Variants in SCYL2 observed in about 807,000 individuals in gnomAD.
SCYL2 encodes SCY1-like protein 2.
In SCYL2, 36 loss-of-function variants were observed where a neutral mutation model predicts 100.4. The ratio of observed to expected loss-of-function variants is 0.36; its 90% CI spans 0.27 to 0.47. SCYL2 has a LOEUF of 0.47. Among genes scored for constraint, SCYL2 ranks in the 20% least tolerant of loss-of-function variants. The pLI is 1.00. For synonymous variants in SCYL2, 330 were observed against 359.2 expected, an observed-to-expected ratio of 0.92 and a Z score of 0.92; for missense variants, 902 against 1,083.9, an observed-to-expected ratio of 0.83 and a Z score of 2.36.
At chr12:100,295,368 G>GCGAGC (rs1443897228) in intron 3 of SCYL2, among the ~76,000 whole-genome samples, 2 of 152,236 alleles carry the variant, frequency 1.3e-5, no homozygotes, top group Non-Finnish European at 2.9e-5. Flanking sequence ...AGAGGTTGTA[G>GCGAGC]CGAGCCGAGA....
rs1340063675 is a variant in SCYL2, at chr12:100,281,809, G to A, written c.-28-1134G>A. ...AGTTCATGCCACTGCACTCCAGCCT[G>A]GGTGACAGAGCTAGACTCCGTCTCA... On this transcript the variant is annotated intron_variant, in intron 1 of 17. Transcript: ENST00000360820. Among the ~76,000 whole-genome samples, 5 of 150,972 alleles carry A rather than the reference G, an allele frequency of 3.3e-5. 1 individual carries two copies. The South Asian group carries it at 1.1e-3, about 32-fold the overall frequency.
intron 2 of SCYL2, among the ~76,000 whole-genome samples, chr12:100,289,311 C>G (rs2096307900): frequency 6.6e-6 from 1 of 152,126 alleles, no homozygotes; most frequent in African/African-American, 2.4e-5. Context: ...TGTGTTATTT[C>G]TGGGGCGACA....
chr12:100,335,221 C>CA (rs1952260720), intron 14 of SCYL2, among the ~76,000 whole-genome samples: 2 of 151,954 alleles, frequency 1.3e-5, no homozygotes, highest in Non-Finnish European at 2.9e-5. Flanking sequence ...TAAATCTTAC[C>CA]TATTTCTCAG....
At chr12:100,293,937 C>G (rs2096313709) in intron 3 of SCYL2, among the ~76,000 whole-genome samples, 1 of 152,086 alleles carries the variant, frequency 6.6e-6, no homozygotes, top group African/African-American at 2.4e-5. Context: ...TCTTTCTACA[C>G]AGACACGGCA....
chr12:100,272,397 A>C (rs1025463107), intron 1 of SCYL2, among the ~76,000 whole-genome samples: 2 of 152,086 alleles, frequency 1.3e-5, no homozygotes, highest in Non-Finnish European at 1.5e-5. Flanking sequence ...TTCAGGTCTT[A>C]TTTTACAGGC....
At chr12:100,284,294 G>A (rs2096302100) in intron 2 of SCYL2, among the ~76,000 whole-genome samples, 1 of 152,148 alleles carries the variant, frequency 6.6e-6, no homozygotes, top group Non-Finnish European at 1.5e-5. Context: ...AGGCACAAAT[G>A]ATAGAACACC....
rs1050981450 is a variant in SCYL2, at chr12:100,317,887, G to A, written c.1357G>A (p.Val453Ile). 6.2e-7 allele frequency: 1 copy of A among 1,602,600 alleles called. No homozygotes were observed. The change falls in exon 10 of 18, where the codon GTT (valine) becomes ATT (isoleucine). Residue 453 changes from valine to isoleucine, a missense_variant. Physicochemically the swap from Val to Ile is conservative, Grantham distance 29. Coordinates refer to ENST00000360820, the MANE Select transcript of SCYL2 (RefSeq NM_017988.6). ...GATAAAGAACAGTGTTCTACCCATG[G>A]TTTACAGAGCACTAGAAGCTCCTTC... is the stretch of plus-strand genomic sequence containing the variant. ...DEIKNSVLPM[V>I]YRALEAPSIQ... is the part of the protein sequence containing the mutation.
At chr12:100,321,020 C>G (rs2096355211) in intron 10 of SCYL2, among the ~76,000 whole-genome samples, 1 of 152,156 alleles carries the variant, frequency 6.6e-6, no homozygotes, top group African/African-American at 2.4e-5. Flanking sequence ...CCTTGACCTC[C>G]CACGCTCTCT....
intron 1 of SCYL2, 41 bp from the exon 2 acceptor site, chr12:100,282,902 T>G: frequency 1.1e-6 from 1 of 950,818 alleles, no homozygotes; most frequent in Non-Finnish European, 1.6e-6. Context: ...CTTATATAGA[T>G]AAGAAATGAT....
intron 4 of SCYL2, among the ~76,000 whole-genome samples, chr12:100,302,480 G>T (rs755210527): frequency 6.6e-6 from 1 of 152,178 alleles, no homozygotes; most frequent in Non-Finnish European, 1.5e-5. Context: ...ACTTTTGCTT[G>T]TCTGTGTAGG....
intron 10 of SCYL2, among the ~76,000 whole-genome samples, chr12:100,319,670 C>T (rs182917277): frequency 1.3e-5 from 2 of 152,082 alleles, no homozygotes; most frequent in African/African-American, 2.4e-5. Flanking sequence ...CATGCATGGG[C>T]GACCATGCCT....
In SCYL2 at chr12:100,335,675, C is replaced by A; in HGVS notation, c.1913C>A (p.Thr638Lys). The stretch of plus-strand genomic sequence containing the variant: ...AATGTTTCTGAGGAGATGAAAGTTA[C>A]AAATATTGGGAATCAGGTAAGAAGC... ...QMNVSEEMKVTNIGNQQIDKV... is the reference protein window; with the variant it reads ...QMNVSEEMKVKNIGNQQIDKV... The change falls in exon 15 of 18, where the codon ACA becomes AAA. Residue 638 changes from threonine (T) to lysine (K), a missense_variant. By Grantham distance (78) the Thr-to-Lys change is moderately conservative. Transcript: ENST00000360820. 6.2e-7 allele frequency: 1 copy of A among 1,610,970 alleles called. No individual in the cohort carries two copies.
chr12:100,313,956 A>G lies in SCYL2; in HGVS notation c.969+418A>G, dbSNP rs56338142. ...AGTGTAGTGGCACGATCTCCACTCA[A>G]TGCAACCTCCACCTCCCAGGTTCAA... is the stretch of plus-strand genomic sequence containing the variant. On this transcript the variant is annotated intron_variant, in intron 7 of 17. Transcript: ENST00000360820. Among the ~76,000 whole-genome samples, 583 of 151,220 alleles carry G rather than the reference A, an allele frequency of 3.9e-3. 3 individuals carry two copies. Among genetic ancestry groups the G allele is most frequent in the Non-Finnish European group, 3.7e-3 (252 of 67,822 alleles).
intron 2 of SCYL2, among the ~76,000 whole-genome samples, 155 bp from the exon 3 acceptor site, chr12:100,291,348 T>C (rs1371959935): frequency 6.6e-6 from 1 of 152,170 alleles, no homozygotes; most frequent in Non-Finnish European, 1.5e-5. Flanking sequence ...AATGTTTAGA[T>C]TTACTATCAT....
intron 2 of SCYL2, among the ~76,000 whole-genome samples, chr12:100,289,507 A>G (rs11110330): frequency 0.12 from 18,500 of 152,288 alleles, 1,511 homozygotes; most frequent in Non-Finnish European, 0.18. Flanking sequence ...AATGCTTGGC[A>G]CATATAAATA....
rs1170190902 is a variant in SCYL2, at chr12:100,291,624, G to T, written c.299G>T (p.Arg100Leu). 6.3e-7 allele frequency: 1 copy of T among 1,599,422 alleles called. No homozygotes were observed. ...VQQLTRLRHPRLLTVQHPLEE... is the reference protein window; with the variant it reads ...VQQLTRLRHPLLLTVQHPLEE... Reference sequence around the variant, plus strand: ...CAGTTAACTCGGCTTCGACACCCTCGACTTCTTACTGTCCAGCATCCTTTA... The same window carrying T: ...CAGTTAACTCGGCTTCGACACCCTCTACTTCTTACTGTCCAGCATCCTTTA... The change falls in exon 3 of 18, where the codon CGA becomes CTA. Residue 100 changes from arginine (R) to leucine (L), a missense_variant. Coordinates refer to ENST00000360820, the MANE Select transcript of SCYL2 (RefSeq NM_017988.6).
chr12:100,276,146 T>A (rs1293169165), intron 1 of SCYL2, among the ~76,000 whole-genome samples: 2 of 152,228 alleles, frequency 1.3e-5, no homozygotes, highest in African/African-American at 4.8e-5. Flanking sequence ...TAATGCTGAC[T>A]ACATAACATG....
intron 14 of SCYL2, 98 bp from the exon 15 acceptor site, chr12:100,335,527 G>T (rs934138695): frequency 6.0e-5 from 48 of 805,840 alleles, no homozygotes; most frequent in Non-Finnish European, 9.3e-5. Context: ...GTTTAATTGG[G>T]GTCTAATAAA....
chr12:100,304,956 A>AT (rs1240960132), intron 4 of SCYL2, among the ~76,000 whole-genome samples: 1 of 152,186 alleles, frequency 6.6e-6, no homozygotes, highest in Non-Finnish European at 1.5e-5. Context: ...AGAGCTAACT[A>AT]TCCTAAATAT....
Sources: gnomAD v4.1 joint callset for allele counts (sites outside exome capture counted in the v4.1 genomes callset) on GRCh38, gnomAD v4.1.1 for gene constraint, MANE v1.5 for transcripts, NCBI Gene and HGNC (gene_info 2026-07-23, HGNC 2026-07-21) for gene names.